Variants in BCL11B observed in about 807,000 individuals in gnomAD.
BCL11B encodes BCL11 transcription factor B.
BCL11B carries 8 observed loss-of-function variants against 49.9 expected under a neutral mutation model. That is an observed-to-expected ratio of 0.16 (90% confidence interval 0.09 to 0.29). The LOEUF is 0.29. BCL11B is among the 10% of genes least tolerant of loss of function. The pLI is 1.00. For synonymous variants in BCL11B, 739 were observed against 637.4 expected (o/e 1.16, Z -2.40); for missense variants, 1,006 against 1,351.0 (o/e 0.74, Z 4.00).
At chr14:99,178,436 G>C (rs897800029) in intron 3 of BCL11B, among the ~76,000 whole-genome samples, 4 of 152,202 alleles carry the variant, frequency 2.6e-5, no homozygotes, top group African/African-American at 9.6e-5. Flanking sequence ...ATAGGGCAGG[G>C]ACGCCTTCCC....
chr14:99,175,698 C>A lies in BCL11B; in HGVS notation c.1138G>T (p.Val380Leu). ...LAGNSSTPPPVSPGRGNPMHR... is the reference protein window; with the variant it reads ...LAGNSSTPPPLSPGRGNPMHR... ...ATAGGGTTGCCGCGGCCCGGGGACA[C>A]GGGCGGCGGCGTGGAGCTGTTGCCC... Residue 380 changes from valine (V) to leucine (L), a missense_variant, in exon 4 of 4, where the codon GTG (valine) becomes TTG (leucine). Val to Leu is a conservative substitution (Grantham distance 32). This residue lies in a region of BCL11B where 97 missense variants were observed against 81.5 expected (regional missense o/e 1.19). Transcript: ENST00000357195. 1 of 1,508,236 alleles carries A rather than the reference C, an allele frequency of 6.6e-7. No homozygotes were observed. Among genetic ancestry groups the A allele is most frequent in the African/African-American group, 1.5e-5 (1 of 68,884 alleles). The allele number at this position is 1,508,236 out of a possible 1,614,324, so 93.4% of individuals were successfully genotyped here.
intron 3 of BCL11B, among the ~76,000 whole-genome samples, chr14:99,230,686 C>T (rs184093302): frequency 2.6e-5 from 4 of 152,314 alleles, no homozygotes; most frequent in East Asian, 1.9e-4. Flanking sequence ...GCAGCCACAC[C>T]GCCCGCCCGG....
chr14:99,255,787 G>T (rs759219080), intron 2 of BCL11B, among the ~76,000 whole-genome samples: 1 of 152,222 alleles, frequency 6.6e-6, no homozygotes, highest in Non-Finnish European at 1.5e-5. Context: ...GGCTCAGCCC[G>T]GTGAAGAGAC....
In BCL11B at chr14:99,170,564, A is replaced by T. The variant is rs960199317; in HGVS notation, c.*3587T>A. ...CAGACAGGAAGAAAAGAAATTAAAT[A>T]AAAAATGAAAGAAAAAAAAAGGACC... is the stretch of plus-strand genomic sequence containing the variant. On this transcript the variant is annotated 3_prime_UTR_variant, in exon 4 of 4. Coordinates refer to ENST00000357195, the MANE Select transcript of BCL11B (RefSeq NM_138576.4). 1 of 231,926 alleles carries T rather than the reference A, an allele frequency of 4.3e-6. No individual in the cohort carries two copies. The highest frequency in any genetic ancestry group is 8.5e-6 in the Non-Finnish European group (1 of 117,010). The allele number at this position is 231,926 out of a possible 1,614,324, so 14.4% of individuals were successfully genotyped here.
chr14:99,176,472 A>G (rs710304), intron 3 of BCL11B, among the ~76,000 whole-genome samples: 5,151 of 152,286 alleles, frequency 0.034, 306 homozygotes, highest in African/African-American at 0.12. Context: ...TCCCCCAAAG[A>G]AAAGGGATTC....
intron 3 of BCL11B, among the ~76,000 whole-genome samples, chr14:99,201,507 C>T (rs1423324143): frequency 6.6e-6 from 1 of 152,118 alleles, no homozygotes; most frequent in Non-Finnish European, 1.5e-5. Flanking sequence ...GGTCACACAG[C>T]CAGAAGCCCC....
rs1487926860 is a variant in BCL11B, at chr14:99,228,559, C to T, written c.640+2786G>A. On this transcript the variant is annotated intron_variant, in intron 3 of 3. Coordinates refer to ENST00000357195, the MANE Select transcript of BCL11B (RefSeq NM_138576.4). This position sits in a 1 kb window ranked among gnomAD's most constrained non-coding sequence, Gnocchi z 4.8. ...TGCAGTCCCAGCCCCAGGAACAGGACACTGCCCTTCCTCACGTCCCTCCCA... is the reference window on the plus strand; with the variant it reads ...TGCAGTCCCAGCCCCAGGAACAGGATACTGCCCTTCCTCACGTCCCTCCCA... 1.3e-5 allele frequency among the ~76,000 whole-genome samples: 2 copies of T among 152,206 alleles called. No homozygotes were observed. The highest frequency in any genetic ancestry group is 4.8e-5 in the African/African-American group (2 of 41,458).
In BCL11B at chr14:99,174,232, G is replaced by C. The variant is rs148628497; in HGVS notation, c.2604C>G (p.Thr868=). 12 of 1,613,820 alleles carry C rather than the reference G, an allele frequency of 7.4e-6. No individual in the cohort carries two copies. Among genetic ancestry groups the C allele is most frequent in the African/African-American group, 2.7e-5 (2 of 74,928 alleles). Reference sequence around the variant, plus strand: ...GCCACTTTTTCATGTGTTTCTCCAGGGTGCTGTAGACGCTGAAGGGCATCT... The same window carrying C: ...GCCACTTTTTCATGTGTTTCTCCAGCGTGCTGTAGACGCTGAAGGGCATCT... ...ICQMPFSVYS[T]LEKHMKKWHG... Residue 868 remains threonine, a synonymous_variant, in exon 4 of 4, where the codon ACC becomes ACG. Coordinates refer to ENST00000357195, the MANE Select transcript of BCL11B (RefSeq NM_138576.4).
Position 99,188,537 on chromosome 14 carries a change from C to CCTGGGGCTGGGGCTGGGG in BCL11B, c.641-12360_641-12343dup, listed in dbSNP as rs71110575. The stretch of plus-strand genomic sequence containing the variant: ...ATACATCTCTCCAACCAATGGCTGG[C>CCTGGGGCTGGGGCTGGGG]CTGGGGCTGGGGCTGGGGCTGGGGC... On this transcript the variant is annotated intron_variant, in intron 3 of 3. Transcript: ENST00000357195. 2.6e-4 allele frequency among the ~76,000 whole-genome samples: 36 copies of CCTGGGGCTGGGGCTGGGG among 136,180 alleles called. 1 individual carries two copies. The highest frequency in any genetic ancestry group is 9.4e-4 in the Admixed American group (13 of 13,868). 89.3% of individuals were successfully genotyped at this position (136,180 alleles called of 152,430 possible).
At chr14:99,254,736 G>A (rs531883987) in intron 2 of BCL11B, among the ~76,000 whole-genome samples, 85 of 152,354 alleles carry the variant, frequency 5.6e-4, no homozygotes, top group Admixed American at 1.9e-3. Flanking sequence ...CAGCCGGCCC[G>A]GGGGCCAGGA....
At chr14:99,212,681 ACTTC>A (rs1159166561) in intron 3 of BCL11B, among the ~76,000 whole-genome samples, 1 of 152,042 alleles carries the variant, frequency 6.6e-6, no homozygotes, top group Admixed American at 6.5e-5. Context: ...CTCAGCAGAG[ACTTC>A]CCAGAGAACA....
chr14:99,256,972 C>G (rs1889182253), intron 2 of BCL11B, among the ~76,000 whole-genome samples: 1 of 152,090 alleles, frequency 6.6e-6, no homozygotes, highest in South Asian at 2.1e-4. Flanking sequence ...ATGAGCACTC[C>G]CATTCCTAAG....
chr14:99,172,140 AT>A lies in BCL11B; in HGVS notation c.*2010del. 1 of 222,280 alleles carries A rather than the reference AT, an allele frequency of 4.5e-6. No homozygotes were observed. The allele number at this position is 222,280 out of a possible 1,614,324, so 13.8% of individuals were successfully genotyped here. A position where few individuals can be genotyped will look rare whatever the true frequency, so the allele number is the denominator to read the frequency against. ...GTATTTTTAAGACAGAGTGCACTAA[AT>A]TTAACTTTAGAAAAAATTAGCCGTT... is the stretch of plus-strand genomic sequence containing the variant. On this transcript the variant is annotated 3_prime_UTR_variant, in exon 4 of 4. Coordinates refer to ENST00000357195, the MANE Select transcript of BCL11B (RefSeq NM_138576.4).
Position 99,176,012 on chromosome 14 carries a change from G to A in BCL11B, c.824C>T (p.Ala275Val), listed in dbSNP as rs1192807157. 3.2e-6 allele frequency: 5 copies of A among 1,556,990 alleles called. No homozygotes were observed. The highest frequency in any genetic ancestry group is 2.8e-5 in the African/African-American group (2 of 72,448). The change falls in exon 4 of 4, where the codon GCG becomes GTG. Residue 275 changes from alanine (A) to valine (V), a missense_variant. Ala to Val is a moderately conservative substitution (Grantham distance 64, BLOSUM62 0). Around this residue, in one of 6 missense-constraint regions of BCL11B, gnomAD observed 411 missense variants for 542.2 expected, o/e 0.76. Transcript: ENST00000357195. ...CAGGAAATTCATGAGCGGGGACTGC[G>A]CCACGGCCTCCGGCCCGAGCGGCGG... ...IPPPLGPEAV[A>V]QSPLMNFLGD...
At position 99,248,180 on chromosome 14, in the gene BCL11B, T is replaced by A. The variant is rs182095573; in HGVS notation, c.427+9291A>T. Among the ~76,000 whole-genome samples, 9 of 151,970 alleles carry A rather than the reference T, an allele frequency of 5.9e-5. No individual in the cohort carries two copies. Among genetic ancestry groups the A allele is most frequent in the Admixed American group, 5.9e-4 (9 of 15,260 alleles). On this transcript the variant is annotated intron_variant, in intron 2 of 3. Transcript: ENST00000357195. The surrounding 1 kb of genome is among the most constrained non-coding windows in gnomAD (Gnocchi z 4.7). ...TCCTCCCTCCCTCCCTGCTCTCCTC[T>A]CCCAACCCTCAGCACAGACTCCTCC...
intron 3 of BCL11B, among the ~76,000 whole-genome samples, chr14:99,196,755 C>G (rs543496405): frequency 1.3e-5 from 2 of 152,326 alleles, no homozygotes; most frequent in African/African-American, 2.4e-5. Context: ...AACAGGAGCT[C>G]TGTGTGCAGG....
At chr14:99,265,951 T>A (rs917981755) in intron 1 of BCL11B, among the ~76,000 whole-genome samples, 1 of 152,204 alleles carries the variant, frequency 6.6e-6, no homozygotes, top group African/African-American at 2.4e-5. Context: ...GAAGACATTA[T>A]AAATCTAGAA....
Position 99,262,512 on chromosome 14 carries a change from G to C in BCL11B, c.59-4673C>G, listed in dbSNP as rs1207278106. 2.0e-5 allele frequency among the ~76,000 whole-genome samples: 3 copies of C among 152,106 alleles called. No homozygotes were observed. The highest frequency in any genetic ancestry group is 7.2e-5 in the African/African-American group (3 of 41,410). On this transcript the variant is annotated intron_variant, in intron 1 of 3. Transcript: ENST00000357195. The surrounding 1 kb of genome is among the most constrained non-coding windows in gnomAD (Gnocchi z 4.2). Reference sequence around the variant, plus strand: ...GGAAAGGGAAGGATGTGGGGGGATGGGTCCCAGGCTCTTAAAATCGTGTGC... The same window carrying C: ...GGAAAGGGAAGGATGTGGGGGGATGCGTCCCAGGCTCTTAAAATCGTGTGC...
chr14:99,175,111 C>A lies in BCL11B; in HGVS notation c.1725G>T (p.Gly575=). 6.3e-7 allele frequency: 1 copy of A among 1,594,012 alleles called. No individual in the cohort carries two copies. Among genetic ancestry groups the A allele is most frequent in the Non-Finnish European group, 8.5e-7 (1 of 1,172,582 alleles). The part of the protein sequence containing the change: ...NRENGGGGVP[G]VPGAGGGAAK... ...CCGCGCCGCCCCCCGCGCCCGGGAC[C>A]CCGGGCACCCCACCACCGCCGTTCT... Residue 575 remains glycine (G), a synonymous_variant, in exon 4 of 4, where the codon GGG becomes GGT. Coordinates refer to ENST00000357195, the MANE Select transcript of BCL11B (RefSeq NM_138576.4).
Sources: allele counts gnomAD v4.1 joint callset (sites outside exome capture counted in the v4.1 genomes callset), GRCh38; gene constraint gnomAD v4.1.1; regional missense constraint gnomAD v4.1.1; non-coding constraint Gnocchi (gnomAD v3.1); transcripts MANE v1.5; gene names NCBI Gene and HGNC (gene_info 2026-07-23, HGNC 2026-07-21).